NUDT16L1: variants seen among roughly 807,000 people sequenced by gnomAD.
The protein encoded by NUDT16L1 is tudor-interacting repair regulator protein.
Under a neutral mutation model 17.3 loss-of-function variants are expected in NUDT16L1, and 19 were observed. That is an observed-to-expected ratio of 1.10 (90% CI 0.77 to 1.61). The LOEUF (loss-of-function observed/expected upper bound fraction) is 1.61, where lower values mean the gene tolerates loss of function less well. Ranked by LOEUF, NUDT16L1 falls within the 40% of genes most tolerant of loss-of-function variation. The pLI, the probability that NUDT16L1 is intolerant of heterozygous loss-of-function variation, is 0.00. For missense variants in NUDT16L1, 341 were observed against 292.0 expected (o/e 1.17, Z -1.22); for synonymous variants, 255 against 138.6 (o/e 1.84, Z -5.90).
At chr16:4,694,080 C>G (rs2142004011) in exon 2 of NUDT16L1, 1 of 1,591,256 alleles carries the variant, frequency 6.3e-7, no homozygotes, top group South Asian at 1.1e-5. Flanking sequence ...GGGCCTGGGC[C>G]TGGGCTGCCT....
chr16:4,694,772 GGGA>G, intron 2 of NUDT16L1, 183 bp from the exon 3 acceptor site: 1 of 1,431,536 alleles, frequency 7.0e-7, no homozygotes, highest in East Asian at 2.5e-5. Flanking sequence ...CACTTGCTTG[GGGA>G]GGAGGGGGCT....
At chr16:4,694,062 C>T (rs750220751) in exon 2 of NUDT16L1, 3 of 1,588,746 alleles carry the variant, frequency 1.9e-6, no homozygotes, top group African/African-American at 1.4e-5. Context: ...CGGCCTGAAC[C>T]GGGTGCTGGG....
At chr16:4,695,319 C>G in exon 3 of NUDT16L1, 1 of 858,480 alleles carries the variant, frequency 1.2e-6, no homozygotes, top group East Asian at 2.7e-5. Context: ...CTCCACTGTC[C>G]CAAGCAGTCA....
At chr16:4,695,234 C>CTAAG in exon 3 of NUDT16L1, 2 of 1,558,382 alleles carry the variant, frequency 1.3e-6, no homozygotes, top group Non-Finnish European at 1.8e-6. Flanking sequence ...GGAATTCCTG[C>CTAAG]TAAGTGTGGC....
chr16:4,694,730 C>A, intron 2 of NUDT16L1: 4 of 1,257,234 alleles, frequency 3.2e-6, no homozygotes, highest in Non-Finnish European at 4.0e-6. Context: ...GGCCTGGGTA[C>A]GAGGGGGGGG....
chr16:4,694,068 C>T (rs1444323640), exon 2 of NUDT16L1: 6 of 1,588,122 alleles, frequency 3.8e-6, no homozygotes, highest in South Asian at 3.3e-5. Flanking sequence ...GAACCGGGTG[C>T]TGGGCCTGGG....
At chr16:4,694,364 A>G (rs774417863) in intron 2 of NUDT16L1, 126 bp downstream of exon 2, 3 of 1,277,472 alleles carry the variant, frequency 2.3e-6, no homozygotes, top group Middle Eastern at 2.2e-4. Context: ...CGCTGTCTCC[A>G]GCAATGGGGT....
At chr16:4,695,811 G>T (rs546776748) in exon 3 of NUDT16L1, 18 of 384,656 alleles carry the variant, frequency 4.7e-5, no homozygotes, top group African/African-American at 3.5e-4. Flanking sequence ...CGAAGCTGTC[G>T]AAGGAGAAGA....
upstream of NUDT16L1, chr16:4,693,655 T>A (rs2079473798): frequency 2.2e-6 from 3 of 1,333,584 alleles, no homozygotes. Context: ...GCCCGCGGAT[T>A]GGCGAGGCAC....
intron 2 of NUDT16L1, chr16:4,694,751 G>A: frequency 7.0e-7 from 1 of 1,429,086 alleles, no homozygotes; most frequent in Non-Finnish European, 9.1e-7. Flanking sequence ...AGTGCATGGG[G>A]TCAGCCTCCA....
chr16:4,695,853 T>C lies in NUDT16L1; in HGVS notation c.*674T>C. On this transcript the variant is annotated 3_prime_UTR_variant, in exon 3 of 3. Transcript: ENST00000304301. ...AGTCGCTCCGCAGCTGCTCTGTGTG[T>C]TTCTCAGCTGCCCTGTGTGTTTGTT... is the stretch of plus-strand genomic sequence containing the variant. The C allele has an allele frequency of 3.1e-6, 1 of 318,988 alleles. No individual in the cohort carries two copies. The highest frequency in any genetic ancestry group is 5.7e-6 in the Non-Finnish European group (1 of 175,734). The allele number at this position is 318,988 out of a possible 1,614,324, so 19.8% of individuals were successfully genotyped here.
chr16:4,695,250 G>C (rs1448292319), exon 3 of NUDT16L1: 1 of 1,500,160 alleles, frequency 6.7e-7, no homozygotes, highest in Non-Finnish European at 9.1e-7. Flanking sequence ...GTGGCTTCTA[G>C]AGTGTTTGTG....
chr16:4,695,806 C>G (rs2079529594), exon 3 of NUDT16L1: 1 of 387,490 alleles, frequency 2.6e-6, no homozygotes, highest in Admixed American at 4.5e-5. Context: ...TACAACGAAG[C>G]TGTCGAAGGA....
intron 2 of NUDT16L1, chr16:4,694,530 G>A (rs1336960842): frequency 2.0e-5 from 30 of 1,473,084 alleles, no homozygotes; most frequent in Non-Finnish European, 2.6e-5. Context: ...GAAGGGATGG[G>A]GGAGGAGCGG....
exon 1 of NUDT16L1, chr16:4,693,706 G>A: frequency 6.8e-7 from 1 of 1,480,560 alleles, no homozygotes; most frequent in Non-Finnish European, 9.0e-7. Flanking sequence ...TGGCAGCGGC[G>A]GGGACGGGGT....
At chr16:4,695,633 T>TG in exon 3 of NUDT16L1, 1 of 417,830 alleles carries the variant, frequency 2.4e-6, no homozygotes. Flanking sequence ...AGAGCCAGCT[T>TG]GGGGTAGGAA....
At chr16:4,694,350 G>A in intron 2 of NUDT16L1, 112 bp downstream of exon 2, 5 of 1,483,244 alleles carry the variant, frequency 3.4e-6, no homozygotes, top group Non-Finnish European at 4.5e-6. Flanking sequence ...GCTGGGTCGG[G>A]TGTCGCTGTC....
intron 2 of NUDT16L1, chr16:4,694,730 CGA>C: frequency 8.0e-7 from 1 of 1,257,234 alleles, no homozygotes; most frequent in Non-Finnish European, 9.9e-7. Context: ...GGCCTGGGTA[CGA>C]GGGGGGGGAG....
At chr16:4,694,229 C>T (rs920402716) in exon 2 of NUDT16L1, 4 of 1,504,144 alleles carry the variant, frequency 2.7e-6, no homozygotes, top group South Asian at 2.5e-5. Context: ...CGCGCGACCA[C>T]GGCCTGGAGG....
Sources: gnomAD v4.1 joint callset for allele counts on GRCh38, gnomAD v4.1.1 for gene constraint, MANE v1.5 for transcripts, NCBI Gene and HGNC (gene_info 2026-07-23, HGNC 2026-07-21) for gene names.